PIK3C3: variants seen among roughly 807,000 people sequenced by gnomAD.
PIK3C3 encodes the protein phosphatidylinositol 3-kinase catalytic subunit type 3.
PIK3C3 carries 95 observed loss-of-function variants against 126.1 expected under a neutral mutation model. The ratio of observed to expected loss-of-function variants is 0.75; its 90% CI spans 0.64 to 0.89. The LOEUF is 0.89. Ranked by LOEUF, PIK3C3 falls within the 40% of genes least tolerant of loss-of-function variation. The probability of loss-of-function intolerance (pLI) is 0.00; values close to 1 mark genes in which losing one functional copy is unlikely to be tolerated. For missense variants in PIK3C3, 829 were observed against 1,063.2 expected (o/e 0.78, Z 3.06); for synonymous variants, 374 against 360.0 (o/e 1.04, Z -0.44).
chr18:41,965,885 G>A (rs1980336494), intron 3 of PIK3C3, among the ~76,000 whole-genome samples: 1 of 152,066 alleles, frequency 6.6e-6, no homozygotes, highest in East Asian at 1.9e-4. Flanking sequence ...TTCTATAAAG[G>A]GAGCAGTAGC....
At chr18:41,994,941 G>A (rs1981956838) in intron 7 of PIK3C3, among the ~76,000 whole-genome samples, 2 of 152,044 alleles carry the variant, frequency 1.3e-5, no homozygotes, top group African/African-American at 4.8e-5. Context: ...GGGAGGTTGA[G>A]GTAGGAGGAT....
intron 16 of PIK3C3, among the ~76,000 whole-genome samples, chr18:42,034,430 G>A (rs604984): frequency 0.99 from 150,922 of 152,336 alleles, 74,759 homozygotes; most frequent in East Asian, 1. Flanking sequence ...TTAGAGGGCA[G>A]ATTGCAAACG....
intron 24 of PIK3C3, among the ~76,000 whole-genome samples, chr18:42,074,845 A>G (rs12964834): frequency 0.24 from 36,630 of 151,796 alleles, 4,766 homozygotes; most frequent in South Asian, 0.4. Flanking sequence ...TTACCCTTTC[A>G]TGTTCCCTCA....
At chr18:42,013,315 C>G in intron 10 of PIK3C3, 127 bp from the exon 11 acceptor site, 2 of 607,938 alleles carry the variant, frequency 3.3e-6, no homozygotes, top group Non-Finnish European at 5.6e-6. Flanking sequence ...GGTGACGTGC[C>G]AAAAGTAATA....
chr18:42,057,798 C>T (rs946044438), intron 21 of PIK3C3, 85 bp from the exon 22 acceptor site: 16 of 1,166,082 alleles, frequency 1.4e-5, no homozygotes, highest in Non-Finnish European at 2.0e-5. Flanking sequence ...TGAAGAGACA[C>T]TGTTTATATC....
chr18:42,068,080 A>C (rs373964462), intron 24 of PIK3C3, among the ~76,000 whole-genome samples: 3 of 152,172 alleles, frequency 2.0e-5, no homozygotes, highest in African/African-American at 7.2e-5. Context: ...CTATGCCCTC[A>C]CCTCTCCTGT....
At chr18:42,042,742 T>TGATAATGAAAAGTTGTTTTTC in intron 19 of PIK3C3, among the ~76,000 whole-genome samples, 1 of 152,328 alleles carries the variant, frequency 6.6e-6, no homozygotes, top group East Asian at 1.9e-4. Flanking sequence ...CAGCTTTACT[T>TGATAATGAAAAGTTGTTTTTC]GATAATGAAA....
At chr18:41,993,455 A>G (rs1981878449) in intron 7 of PIK3C3, 114 bp downstream of exon 7, 1 of 649,494 alleles carries the variant, frequency 1.5e-6, no homozygotes, top group Non-Finnish European at 2.7e-6. Context: ...CCGTTACCTA[A>G]AAGTGATTCA....
intron 4 of PIK3C3, among the ~76,000 whole-genome samples, chr18:41,977,280 TAGTC>T (rs1272971459): frequency 2.6e-5 from 4 of 152,162 alleles, no homozygotes; most frequent in African/African-American, 4.8e-5. Flanking sequence ...TATTTCATCA[TAGTC>T]AGTGCAACCT....
At chr18:41,974,139 C>A (rs1054942069) in intron 4 of PIK3C3, among the ~76,000 whole-genome samples, 3 of 152,238 alleles carry the variant, frequency 2.0e-5, no homozygotes, top group Middle Eastern at 6.8e-3. Flanking sequence ...GGATAATGGA[C>A]AAGAGGACTG....
At chr18:42,023,575 T>G (rs566681724) in intron 13 of PIK3C3, among the ~76,000 whole-genome samples, 61 of 152,342 alleles carry the variant, frequency 4.0e-4, no homozygotes, top group Non-Finnish European at 6.0e-4. Flanking sequence ...TTTTCCCATA[T>G]TTACAGTCTG....
In PIK3C3 at chr18:41,990,507, T is replaced by C; in HGVS notation, c.667T>C (p.Cys223Arg). ...NFMYLMVEFR[C>R]VKCDDKEYGI... Reference sequence around the variant, plus strand: ...CATGTACCTGATGGTTGAATTTCGATGTGTCAAGTGTGATGATAAGGAATA... The same window carrying C: ...CATGTACCTGATGGTTGAATTTCGACGTGTCAAGTGTGATGATAAGGAATA... Residue 223 changes from cysteine (C) to arginine (R), a missense_variant, in exon 6 of 25, where the codon TGT (cysteine) becomes CGT (arginine). Physicochemically the swap from Cys to Arg is radical, Grantham distance 180 (BLOSUM62 -3). Coordinates refer to ENST00000262039, the MANE Select transcript of PIK3C3 (RefSeq NM_002647.4). 1 of 1,603,988 alleles carries C rather than the reference T, an allele frequency of 6.2e-7. No individual in the cohort carries two copies. Among genetic ancestry groups the C allele is most frequent in the South Asian group, 1.1e-5 (1 of 90,858 alleles).
intron 19 of PIK3C3, among the ~76,000 whole-genome samples, chr18:42,041,402 CT>C (rs975366244): frequency 8.6e-5 from 13 of 151,712 alleles, no homozygotes; most frequent in Admixed American, 1.3e-4. Context: ...TTAAGACCCC[CT>C]ATCCTCTCCC....
intron 13 of PIK3C3, among the ~76,000 whole-genome samples, chr18:42,023,219 G>T (rs560664783): frequency 6.6e-6 from 1 of 152,302 alleles, no homozygotes; most frequent in Admixed American, 6.5e-5. Context: ...TACTGATTAT[G>T]TGGTGCTTTC....
intron 24 of PIK3C3, among the ~76,000 whole-genome samples, chr18:42,075,868 T>A (rs1985951403): frequency 2.0e-5 from 3 of 150,156 alleles, no homozygotes. Context: ...CTCTGTGGCA[T>A]CTTATTCCAT....
rs991546572 is a variant in PIK3C3, at chr18:42,029,477, A to G, written c.1707+36A>G. The G allele has an allele frequency of 9.8e-6, 11 of 1,127,306 alleles. No individual in the cohort carries two copies. The East Asian group carries it at 2.4e-4, about 25-fold the overall frequency. 69.8% of individuals were successfully genotyped at this position (1,127,306 alleles called of 1,614,324 possible). A position where few individuals can be genotyped will look rare whatever the true frequency, so the allele number is the denominator to read the frequency against. On this transcript the variant is annotated intron_variant, in intron 15 of 24. Transcript: ENST00000262039. Reference sequence around the variant, plus strand: ...GGTGTATGCTTTTGTTCCTAATAGCATCTTGGCATCAGAAAATACTGAATT... The same window carrying G: ...GGTGTATGCTTTTGTTCCTAATAGCGTCTTGGCATCAGAAAATACTGAATT...
At chr18:41,997,698 G>A (rs1464054550) in intron 9 of PIK3C3, among the ~76,000 whole-genome samples, 2 of 152,048 alleles carry the variant, frequency 1.3e-5, no homozygotes, top group African/African-American at 4.8e-5. Flanking sequence ...ACCCCACAAT[G>A]TATGTATTAT....
At position 41,995,889 on chromosome 18, in the gene PIK3C3, G is replaced by C. The variant is rs1982000625; in HGVS notation, c.787-1G>C. The C allele has an allele frequency of 6.2e-7, 1 of 1,601,314 alleles. No individual in the cohort carries two copies. Among genetic ancestry groups the C allele is most frequent in the Non-Finnish European group, 8.6e-7 (1 of 1,169,064 alleles). Reference sequence around the variant, plus strand: ...TGTCAATATTTTAAAATAATTTGTAGGAGAATTTAGTTGAGAGCAAACACC... The same window carrying C: ...TGTCAATATTTTAAAATAATTTGTACGAGAATTTAGTTGAGAGCAAACACC... On this transcript the variant is annotated splice_acceptor_variant, in intron 7 of 24. Transcript: ENST00000262039. LOFTEE classifies it high-confidence loss of function.
intron 12 of PIK3C3, among the ~76,000 whole-genome samples, chr18:42,017,366 A>G (rs571276690): frequency 6.6e-6 from 1 of 152,256 alleles, no homozygotes; most frequent in South Asian, 2.1e-4. Context: ...AAACTCAATT[A>G]TTCCCCAAAT....
Sources: gnomAD v4.1 joint callset for allele counts (sites outside exome capture counted in the v4.1 genomes callset) on GRCh38, gnomAD v4.1.1 for gene constraint, MANE v1.5 for transcripts, NCBI Gene and HGNC (gene_info 2026-07-23, HGNC 2026-07-21) for gene names.